Variants in USP31 observed in about 807,000 individuals in gnomAD.
USP31 encodes ubiquitin specific peptidase 31, also known as ubiquitin carboxyl-terminal hydrolase 31.
Under a neutral mutation model 119.4 loss-of-function variants are expected in USP31, and 44 were observed. The observed-to-expected ratio is 0.37, with a 90% confidence interval of 0.29 to 0.47. The LOEUF (loss-of-function observed/expected upper bound fraction) is 0.47, where lower values mean the gene tolerates loss of function less well. Among genes scored for constraint, USP31 ranks in the 20% least tolerant of loss-of-function variants. The probability of loss-of-function intolerance (pLI) is 0.99; values close to 1 mark genes in which losing one functional copy is unlikely to be tolerated. For synonymous variants in USP31, 749 were observed against 705.6 expected (o/e 1.06, Z -0.97); for missense variants, 1,643 against 1,730.2 (o/e 0.95, Z 0.89).
intron 1 of USP31, among the ~76,000 whole-genome samples, chr16:23,133,173 G>A (rs1366825093): frequency 1.3e-5 from 2 of 152,062 alleles, no homozygotes; most frequent in African/African-American, 2.4e-5. Context: ...TACGAGGCCC[G>A]CCATTTCCTT....
chr16:23,093,374 T>C (rs962101492), intron 6 of USP31, among the ~76,000 whole-genome samples: 1 of 152,124 alleles, frequency 6.6e-6, no homozygotes, highest in Admixed American at 6.5e-5. Context: ...GGAAAAAGGC[T>C]TGAATAGACA....
intron 5 of USP31, among the ~76,000 whole-genome samples, chr16:23,102,910 T>A (rs1475294611): frequency 6.6e-6 from 1 of 152,166 alleles, no homozygotes; most frequent in East Asian, 1.9e-4. Flanking sequence ...AAATAAAAAG[T>A]AAAAATAAAT....
intron 1 of USP31, among the ~76,000 whole-genome samples, chr16:23,118,295 T>C (rs1234937875): frequency 6.6e-6 from 1 of 152,204 alleles, no homozygotes; most frequent in Non-Finnish European, 1.5e-5. Flanking sequence ...AGAATCACCC[T>C]ATGATACTAC....
At position 23,148,959 on chromosome 16, in the gene USP31, C is replaced by A; in HGVS notation, c.312G>T (p.Pro104=). Residue 104 remains proline, a synonymous_variant, in exon 1 of 16, where the codon CCG becomes CCT. Transcript: ENST00000219689. The stretch of plus-strand genomic sequence containing the variant: ...AGGCGGGCGGCGGCGGGCACGGCGG[C>A]GGCGTGGGCGCGGCGGCCGGCCCGG... ...FPPGPAAAPT[P]PPCPPPPASP... 1.7e-5 allele frequency: 17 copies of A among 1,018,706 alleles called. No individual in the cohort carries two copies. Among genetic ancestry groups the A allele is most frequent in the Non-Finnish European group, 2.0e-5 (17 of 849,736 alleles). 63.1% of individuals were successfully genotyped at this position (1,018,706 alleles called of 1,614,324 possible). A position where few individuals can be genotyped will look rare whatever the true frequency, so the allele number is the denominator to read the frequency against.
intron 6 of USP31, among the ~76,000 whole-genome samples, chr16:23,092,136 C>T (rs1207665134): frequency 6.6e-6 from 1 of 152,140 alleles, no homozygotes; most frequent in African/African-American, 2.4e-5. Flanking sequence ...GCTTCCTCAC[C>T]AGTAATGTGG....
chr16:23,067,824 T>G lies in USP31; in HGVS notation c.*222A>C. 1 of 499,266 alleles carries G rather than the reference T, an allele frequency of 2.0e-6. No homozygotes were observed. The highest frequency in any genetic ancestry group is 3.6e-5 in the South Asian group (1 of 27,434). The allele number at this position is 499,266 out of a possible 1,614,324, so 30.9% of individuals were successfully genotyped here. ...ATTCCAGTTAGCTTGGTGTCAATGT[T>G]TTGCCTATGGCTGTTATTTGGTTCA... On this transcript the variant is annotated 3_prime_UTR_variant, in exon 16 of 16. Transcript: ENST00000219689.
At chr16:23,092,674 T>A (rs974016207) in intron 6 of USP31, among the ~76,000 whole-genome samples, 1 of 151,948 alleles carries the variant, frequency 6.6e-6, no homozygotes, top group African/African-American at 2.4e-5. Context: ...ACGTAACAAC[T>A]GGAAAAGAAA....
chr16:23,145,195 TTCCTTGA>T (rs1354943166), intron 1 of USP31, among the ~76,000 whole-genome samples: 3 of 152,202 alleles, frequency 2.0e-5, no homozygotes, highest in Non-Finnish European at 2.9e-5. Context: ...GCTTTCCTTG[TTCCTTGA>T]TGCCTGCTAT....
chr16:23,107,725 C>T (rs1183048883), intron 2 of USP31, among the ~76,000 whole-genome samples: 1 of 152,140 alleles, frequency 6.6e-6, no homozygotes. Context: ...ATGTGTCTTA[C>T]TAGAATAGAA....
At chr16:23,117,806 T>C (rs1401909760) in intron 1 of USP31, among the ~76,000 whole-genome samples, 1 of 151,990 alleles carries the variant, frequency 6.6e-6, no homozygotes, top group Non-Finnish European at 1.5e-5. Context: ...GTTCTTGTTG[T>C]TGTTGAGATG....
intron 12 of USP31, among the ~76,000 whole-genome samples, chr16:23,081,152 G>A (rs752815277): frequency 1.3e-5 from 2 of 152,164 alleles, no homozygotes; most frequent in African/African-American, 2.4e-5. Flanking sequence ...TAGATGAGAG[G>A]GACAAGAAAG....
chr16:23,115,751 G>A, intron 1 of USP31: 1 of 982,034 alleles, frequency 1.0e-6, no homozygotes, highest in Non-Finnish European at 1.2e-6. Flanking sequence ...AAAGTAAAAG[G>A]CAAAACACTT....
chr16:23,148,003 C>G (rs1453922759), intron 1 of USP31, among the ~76,000 whole-genome samples: 1 of 152,162 alleles, frequency 6.6e-6, no homozygotes, highest in Non-Finnish European at 1.5e-5. Flanking sequence ...TTTCTTCAAA[C>G]CACTATCTGA....
chr16:23,124,359 T>C (rs1902777723), intron 1 of USP31, among the ~76,000 whole-genome samples: 1 of 152,188 alleles, frequency 6.6e-6, no homozygotes, highest in African/African-American at 2.4e-5. Flanking sequence ...AAGGATCTGA[T>C]GTTCAAATAA....
intron 1 of USP31, among the ~76,000 whole-genome samples, chr16:23,113,897 GAGTTCAATA>G (rs1243154393): frequency 2.0e-5 from 3 of 152,160 alleles, no homozygotes; most frequent in Non-Finnish European, 2.9e-5. Flanking sequence ...CTGAGGTCAG[GAGTTCAATA>G]TCAGCCTGGC....
Position 23,149,362 on chromosome 16 carries a change from C to T in USP31, c.-92G>A, listed in dbSNP as rs1019406908. 1 of 992,002 alleles carries T rather than the reference C, an allele frequency of 1.0e-6. No homozygotes were observed. Among genetic ancestry groups the T allele is most frequent in the African/African-American group, 1.8e-5 (1 of 56,932 alleles). The allele number at this position is 992,002 out of a possible 1,614,324, so 61.4% of individuals were successfully genotyped here. ...CCGCATCCCGCAGCGCCGCGCCTCACCGGGCCCGGGGGCTCGACGCCCCAC... is the reference window on the plus strand; with the variant it reads ...CCGCATCCCGCAGCGCCGCGCCTCATCGGGCCCGGGGGCTCGACGCCCCAC... On this transcript the variant is annotated 5_prime_UTR_variant, in exon 1 of 16. It adds an upstream start codon to the 5' untranslated region. Transcript: ENST00000219689.
At chr16:23,105,618 T>C in intron 4 of USP31, 42 bp from the exon 5 acceptor site, 2 of 1,486,964 alleles carry the variant, frequency 1.3e-6, no homozygotes, top group Non-Finnish European at 1.8e-6. Flanking sequence ...GTCACTTATT[T>C]CAACTAAAAT....
intron 1 of USP31, 35 bp downstream of exon 1, chr16:23,148,603 G>A: frequency 7.0e-7 from 1 of 1,428,590 alleles, no homozygotes; most frequent in Non-Finnish European, 9.1e-7. Flanking sequence ...CAGGGGCTCG[G>A]GGTGCAGTGG....
intron 1 of USP31, among the ~76,000 whole-genome samples, chr16:23,130,667 T>C (rs1026100741): frequency 1.4e-5 from 2 of 145,100 alleles, no homozygotes; most frequent in Admixed American, 7.2e-5. Flanking sequence ...CACACTACAG[T>C]TTGTCAGCCC....
Sources: allele counts gnomAD v4.1 joint callset (sites outside exome capture counted in the v4.1 genomes callset), GRCh38; gene constraint gnomAD v4.1.1; transcripts MANE v1.5; gene names NCBI Gene and HGNC (gene_info 2026-07-23, HGNC 2026-07-21).